The following SYT9 variants were observed in gnomAD, a reference collection of about 807,000 sequenced individuals.
SYT9 encodes the protein synaptotagmin-9.
SYT9 carries 22 observed loss-of-function variants against 48.4 expected under a neutral mutation model. The observed-to-expected ratio is 0.45, with a 90% CI of 0.32 to 0.65. The LOEUF is 0.65. Among genes scored for constraint, SYT9 ranks in the 30% least tolerant of loss-of-function variants. The pLI is 0.03. For missense variants in SYT9, 577 were observed against 622.0 expected (o/e 0.93, Z 0.77); for synonymous variants, 265 against 245.0 (o/e 1.08, Z -0.76).
chr11:7,313,535 G>A lies in SYT9; in HGVS notation c.638G>A (p.Gly213Glu). The A allele has an allele frequency of 6.2e-7, 1 of 1,614,148 alleles. No individual in the cohort carries two copies. Among genetic ancestry groups the A allele is most frequent in the Non-Finnish European group, 8.5e-7 (1 of 1,180,010 alleles). Residue 213 changes from glycine to glutamate, a missense_variant, in exon 3 of 7, where the codon GGG becomes GAG. By Grantham distance (98) the Gly-to-Glu change is moderately conservative. Coordinates refer to ENST00000318881, the MANE Select transcript of SYT9 (RefSeq NM_175733.4). Reference sequence around the variant, plus strand: ...CAGAGGTCATTGGATAATGATGACGGGAGACGGAGTAACAGCAAGGCTTGT... The same window carrying A: ...CAGAGGTCATTGGATAATGATGACGAGAGACGGAGTAACAGCAAGGCTTGT... ...YKQRSLDNDD[G>E]RRSNSKACGK...
chr11:7,396,969 T>G (rs572059915), intron 3 of SYT9, among the ~76,000 whole-genome samples: 1 of 152,278 alleles, frequency 6.6e-6, no homozygotes, highest in East Asian at 1.9e-4. Context: ...TTTTCCACAA[T>G]ATGTTTTGAA....
intron 6 of SYT9, among the ~76,000 whole-genome samples, chr11:7,431,163 G>A (rs1847562869): frequency 6.6e-6 from 1 of 152,214 alleles, no homozygotes; most frequent in South Asian, 2.1e-4. Context: ...TGAGACCTCA[G>A]ATGGAAATGA....
At chr11:7,375,009 G>T (rs1227712789) in intron 3 of SYT9, among the ~76,000 whole-genome samples, 1 of 152,096 alleles carries the variant, frequency 6.6e-6, no homozygotes, top group African/African-American at 2.4e-5. Context: ...CCTATGTCCT[G>T]AATTATTGCC....
intron 1 of SYT9, among the ~76,000 whole-genome samples, chr11:7,279,908 G>A (rs1848463713): frequency 6.6e-6 from 1 of 152,204 alleles, no homozygotes; most frequent in Non-Finnish European, 1.5e-5. Flanking sequence ...CAAAAGCAGA[G>A]CTGATGAGGC....
intron 2 of SYT9, among the ~76,000 whole-genome samples, chr11:7,306,759 C>G (rs1209921340): frequency 6.6e-6 from 1 of 152,234 alleles, no homozygotes; most frequent in Non-Finnish European, 1.5e-5. Context: ...CTCCTTCCCA[C>G]TTTAATTCTC....
intron 2 of SYT9, among the ~76,000 whole-genome samples, chr11:7,310,191 T>A (rs4757990): frequency 6.6e-6 from 1 of 151,998 alleles, no homozygotes; most frequent in Non-Finnish European, 1.5e-5. Context: ...TGGAGTGTAG[T>A]GGCGTGATCT....
chr11:7,247,598 C>CGTATATATACATATATACGT (rs1196437063), upstream of SYT9, among the ~76,000 whole-genome samples: 24 of 142,352 alleles, frequency 1.7e-4, no homozygotes, highest in African/African-American at 5.5e-4. Context: ...TGTATATATA[C>CGTATATATACATATATACGT]GTATATATAC....
intron 2 of SYT9, among the ~76,000 whole-genome samples, chr11:7,309,414 G>A (rs1172956411): frequency 6.6e-6 from 1 of 152,038 alleles, no homozygotes; most frequent in African/African-American, 2.4e-5. Context: ...CCTACTCAGA[G>A]GACTGTCTGC....
At chr11:7,339,616 A>C (rs1849682082) in intron 3 of SYT9, among the ~76,000 whole-genome samples, 1 of 152,112 alleles carries the variant, frequency 6.6e-6, no homozygotes, top group Non-Finnish European at 1.5e-5. Flanking sequence ...AGGGAAGCTT[A>C]GTTTGGTTGG....
chr11:7,340,071 C>A (rs1317039305), intron 3 of SYT9, among the ~76,000 whole-genome samples: 1 of 151,906 alleles, frequency 6.6e-6, no homozygotes, highest in Non-Finnish European at 1.5e-5. Context: ...TTGTTTTTTT[C>A]TTTATTTTTG....
intron 1 of SYT9, among the ~76,000 whole-genome samples, chr11:7,293,471 C>T (rs1848730181): frequency 6.6e-6 from 1 of 152,138 alleles, no homozygotes; most frequent in Non-Finnish European, 1.5e-5. Context: ...GCTAAGAGAG[C>T]CACATACATG....
chr11:7,423,466 T>C (rs1231787418), intron 6 of SYT9, among the ~76,000 whole-genome samples: 2 of 152,176 alleles, frequency 1.3e-5, no homozygotes, highest in Admixed American at 6.5e-5. Context: ...TAGATGTTTG[T>C]TTTTCCCCTT....
chr11:7,414,457 C>T (rs1295686781), intron 3 of SYT9, among the ~76,000 whole-genome samples: 5 of 152,136 alleles, frequency 3.3e-5, no homozygotes, highest in African/African-American at 9.7e-5. Flanking sequence ...TCAATCCTTC[C>T]CTCTTCAGTA....
intron 1 of SYT9, among the ~76,000 whole-genome samples, chr11:7,270,858 CACACA>C (rs959239777): frequency 6.7e-6 from 1 of 150,064 alleles, no homozygotes; most frequent in African/African-American, 2.5e-5. Flanking sequence ...CACACACACA[CACACA>C]CACACACACA....
chr11:7,261,273 A>G lies in SYT9; in HGVS notation c.145+8942A>G, dbSNP rs574584930. On this transcript the variant is annotated intron_variant, in intron 1 of 6. Transcript: ENST00000318881. Reference sequence around the variant, plus strand: ...GTATCAGCTGTAGCACTGCAGAACCATTAAAAGAGTTTACGCTGAAAATTC... The same window carrying G: ...GTATCAGCTGTAGCACTGCAGAACCGTTAAAAGAGTTTACGCTGAAAATTC... Among the ~76,000 whole-genome samples the G allele has an allele frequency of 2.0e-5, 3 of 152,326 alleles. No individual in the cohort carries two copies. In the East Asian group the frequency reaches 5.8e-4, roughly 29 times the overall value.
intron 2 of SYT9, among the ~76,000 whole-genome samples, chr11:7,311,250 C>T (rs750556865): frequency 3.3e-5 from 5 of 152,112 alleles, no homozygotes; most frequent in Non-Finnish European, 5.9e-5. Context: ...TGCAGGGAGC[C>T]GAGATCGCGC....
intron 6 of SYT9, among the ~76,000 whole-genome samples, chr11:7,432,404 G>T (rs972054984): frequency 6.6e-6 from 1 of 151,392 alleles, no homozygotes; most frequent in African/African-American, 2.4e-5. Context: ...AAAATTAGCT[G>T]GGCATGGTGG....
chr11:7,245,287 C>G (rs897625275), intron 1 of SYT9, among the ~76,000 whole-genome samples: 1 of 152,150 alleles, frequency 6.6e-6, no homozygotes, highest in African/African-American at 2.4e-5. Context: ...AATGCAACAA[C>G]ATATATCAAG....
At chr11:7,419,726 G>A (rs1294497358) in intron 5 of SYT9, among the ~76,000 whole-genome samples, 3 of 151,968 alleles carry the variant, frequency 2.0e-5, no homozygotes, top group Non-Finnish European at 2.9e-5. Flanking sequence ...GTGAAACCCC[G>A]CCTCAACTAA....
Sources: allele counts gnomAD v4.1 joint callset (sites outside exome capture counted in the v4.1 genomes callset), GRCh38; gene constraint gnomAD v4.1.1; transcripts MANE v1.5; gene names NCBI Gene and HGNC (gene_info 2026-07-23, HGNC 2026-07-21).